Variants in PRKN observed in about 807,000 individuals in gnomAD.
The protein encoded by PRKN is E3 ubiquitin-protein ligase parkin.
In PRKN, 56 loss-of-function variants were observed where a neutral mutation model predicts 59.5. That is an observed-to-expected ratio of 0.94 (90% CI 0.76 to 1.18). PRKN has a LOEUF of 1.18. Ranked by LOEUF, PRKN falls within the 50% of genes most tolerant of loss-of-function variation. The pLI is 0.00. For synonymous variants in PRKN, 250 were observed against 222.1 expected (o/e 1.13, Z -1.12); for missense variants, 657 against 596.4 (o/e 1.10, Z -1.06).
intron 3 of PRKN, among the ~76,000 whole-genome samples, chr6:162,212,425 A>G (rs572164988): frequency 1.3e-5 from 2 of 152,046 alleles, no homozygotes; most frequent in East Asian, 1.9e-4. Context: ...TGAGATTAAG[A>G]AAGCTCGCTT....
intron 4 of PRKN, among the ~76,000 whole-genome samples, chr6:162,171,693 A>T (rs1583146781): frequency 6.6e-6 from 1 of 152,140 alleles, no homozygotes; most frequent in East Asian, 1.9e-4. Flanking sequence ...TGACCCCAGC[A>T]GCCTAACTGC....
intron 7 of PRKN, among the ~76,000 whole-genome samples, chr6:161,746,737 T>A (rs147430925): frequency 0.024 from 3,462 of 146,458 alleles, 158 homozygotes; most frequent in African/African-American, 0.084. Context: ...TATATCTAGA[T>A]TCTAGATATG....
chr6:162,499,641 C>A (rs1793271911), intron 1 of PRKN, among the ~76,000 whole-genome samples: 1 of 152,164 alleles, frequency 6.6e-6, no homozygotes, highest in South Asian at 2.1e-4. Flanking sequence ...GAAAATTAAT[C>A]TTTTTGTGCA....
intron 3 of PRKN, among the ~76,000 whole-genome samples, chr6:162,249,427 G>A (rs1779334714): frequency 2.0e-5 from 3 of 152,094 alleles, no homozygotes; most frequent in Non-Finnish European, 4.4e-5. Flanking sequence ...ACGCTAGTCC[G>A]GAAAACTGAC....
At chr6:162,574,485 G>A (rs548646754) in intron 1 of PRKN, among the ~76,000 whole-genome samples, 9 of 152,178 alleles carry the variant, frequency 5.9e-5, no homozygotes, top group East Asian at 3.9e-4. Context: ...TGGATATTCC[G>A]GTTTTTATTC....
At position 161,562,471 on chromosome 6, in the gene PRKN, G is replaced by C. The variant is rs369467969; in HGVS notation, c.933+6884C>G. Among the ~76,000 whole-genome samples the C allele has an allele frequency of 7.9e-5, 12 of 152,172 alleles. No homozygotes were observed. Among genetic ancestry groups the C allele is most frequent in the African/African-American group, 2.9e-4 (12 of 41,536 alleles). On this transcript the variant is annotated intron_variant, in intron 8 of 11. Transcript: ENST00000366898. The surrounding 1 kb of genome is among the most constrained non-coding windows in gnomAD (Gnocchi z 4.3). Reference sequence around the variant, plus strand: ...TCCAATCACGGTCTCTCCTTTCTTGGCTTCTTCTGAGAATCCCCATGGGTT... The same window carrying C: ...TCCAATCACGGTCTCTCCTTTCTTGCCTTCTTCTGAGAATCCCCATGGGTT...
chr6:162,401,903 G>A lies in PRKN; in HGVS notation c.171+41407C>T, dbSNP rs143467502. ...AGAAGCAAACAGTTATTTTGGACTC[G>A]ATAACTTTTTAACCAGCTTTAAGCA... is the stretch of plus-strand genomic sequence containing the variant. On this transcript the variant is annotated intron_variant, in intron 2 of 11. Coordinates refer to ENST00000366898, the MANE Select transcript of PRKN (RefSeq NM_004562.3). Among the ~76,000 whole-genome samples the A allele has an allele frequency of 1.5e-3, 232 of 152,160 alleles. 1 individual carries two copies. The highest frequency in any genetic ancestry group is 0.015 in the East Asian group (76 of 5,164).
chr6:162,328,479 A>G (rs1158005426), intron 2 of PRKN, among the ~76,000 whole-genome samples: 1 of 152,222 alleles, frequency 6.6e-6, no homozygotes, highest in African/African-American at 2.4e-5. Context: ...CATTTACTGA[A>G]CAACGAATGT....
At chr6:161,795,985 A>T (rs1046388178) in intron 6 of PRKN, among the ~76,000 whole-genome samples, 4 of 152,208 alleles carry the variant, frequency 2.6e-5, no homozygotes, top group African/African-American at 9.6e-5. Flanking sequence ...ATATTAAAAT[A>T]TAATGATAAT....
rs1411240582 is a variant in PRKN, at chr6:161,471,228, T to C, written c.1083+77626A>G. 6.6e-6 allele frequency among the ~76,000 whole-genome samples: 1 copy of C among 152,074 alleles called. No homozygotes were observed. Among genetic ancestry groups the C allele is most frequent in the Non-Finnish European group, 1.5e-5 (1 of 68,008 alleles). On this transcript the variant is annotated intron_variant, in intron 9 of 11. Coordinates refer to ENST00000366898, the MANE Select transcript of PRKN (RefSeq NM_004562.3). The surrounding 1 kb of genome is among the most constrained non-coding windows in gnomAD (Gnocchi z 4.5). ...GAGTGAAAAATGTACATTAGAAAAATGCTCTTTCAAAAAGCCTAGAAAGAA... is the reference window on the plus strand; with the variant it reads ...GAGTGAAAAATGTACATTAGAAAAACGCTCTTTCAAAAAGCCTAGAAAGAA...
intron 1 of PRKN, among the ~76,000 whole-genome samples, chr6:162,610,304 C>T (rs751880009): frequency 9.9e-5 from 15 of 152,230 alleles, no homozygotes; most frequent in Non-Finnish European, 1.9e-4. Flanking sequence ...GGACTGCCTC[C>T]AAAATCTAGG....
intron 4 of PRKN, among the ~76,000 whole-genome samples, chr6:162,141,593 A>T (rs1781782585): frequency 6.6e-6 from 1 of 152,224 alleles, no homozygotes; most frequent in Non-Finnish European, 1.5e-5. Flanking sequence ...GAAAGAAAAC[A>T]TGCTTGATTT....
intron 7 of PRKN, among the ~76,000 whole-genome samples, chr6:161,762,514 A>G (rs1347997939): frequency 1.3e-5 from 2 of 152,224 alleles, no homozygotes; most frequent in Non-Finnish European, 2.9e-5. Context: ...CATTTCTATG[A>G]CGGTGGAAAT....
chr6:162,295,352 A>G (rs1781621185), intron 2 of PRKN, among the ~76,000 whole-genome samples: 1 of 151,932 alleles, frequency 6.6e-6, no homozygotes, highest in African/African-American at 2.4e-5. Context: ...TAAACTTTTT[A>G]CTCGATTGCC....
chr6:162,272,083 G>C (rs2128103512), intron 2 of PRKN, among the ~76,000 whole-genome samples: 1 of 152,156 alleles, frequency 6.6e-6, no homozygotes, highest in African/African-American at 2.4e-5. Context: ...TGCTCATGAG[G>C]ATCCTACACC....
At chr6:162,558,422 T>C (rs9458585) in intron 1 of PRKN, among the ~76,000 whole-genome samples, 45,920 of 150,306 alleles carry the variant, frequency 0.31, 7,431 homozygotes, top group East Asian at 0.49. Flanking sequence ...CTCCGCCTCC[T>C]GGGTTCAAGC....
At chr6:162,053,601 G>A (rs943300184) in intron 5 of PRKN, among the ~76,000 whole-genome samples, 1 of 151,986 alleles carries the variant, frequency 6.6e-6, no homozygotes, top group Non-Finnish European at 1.5e-5. Context: ...TTACATCGCC[G>A]GCCACCCATA....
chr6:161,987,561 A>G (rs898978591), intron 5 of PRKN, among the ~76,000 whole-genome samples: 1 of 152,232 alleles, frequency 6.6e-6, no homozygotes, highest in Non-Finnish European at 1.5e-5. Flanking sequence ...CATGTAGAAT[A>G]CCTAATACAA....
At chr6:162,658,932 C>T (rs1043524349) in intron 1 of PRKN, among the ~76,000 whole-genome samples, 9 of 151,848 alleles carry the variant, frequency 5.9e-5, no homozygotes, top group South Asian at 4.2e-4. Context: ...CACGTCTTAC[C>T]GATTTTTTAG....
Sources: gnomAD v4.1 joint callset for allele counts (sites outside exome capture counted in the v4.1 genomes callset) on GRCh38, gnomAD v4.1.1 for gene constraint, Gnocchi (gnomAD v3.1) non-coding constraint, MANE v1.5 for transcripts, NCBI Gene and HGNC (gene_info 2026-07-23, HGNC 2026-07-21) for gene names.